NDC80: variants seen among roughly 807,000 people sequenced by gnomAD.
NDC80 encodes the protein NDC80 kinetochore complex component.
NDC80 carries 69 observed loss-of-function variants against 89.3 expected under a neutral mutation model. That is an observed-to-expected ratio of 0.77 (90% CI 0.64 to 0.94). NDC80 has a LOEUF of 0.94. Ranked by LOEUF, NDC80 falls within the 40% of genes least tolerant of loss-of-function variation. The probability of loss-of-function intolerance (pLI) is 0.00; values close to 1 mark genes in which losing one functional copy is unlikely to be tolerated. For missense variants in NDC80, 593 were observed against 739.6 expected (o/e 0.80, Z 2.30); for synonymous variants, 243 against 255.6 (o/e 0.95, Z 0.47).
At chr18:2,592,332 ATTTTATTTTGTTTTTG>A (rs1452265161) in intron 10 of NDC80, among the ~76,000 whole-genome samples, 2 of 150,926 alleles carry the variant, frequency 1.3e-5, no homozygotes, top group South Asian at 4.2e-4. Context: ...ACATATTTAA[ATTTTATTTTGTTTTTG>A]TTTTATTTTG....
chr18:2,599,162 T>C lies in NDC80; in HGVS notation c.1365T>C (p.Ala455=), dbSNP rs772716512. 6.2e-7 allele frequency: 1 copy of C among 1,607,510 alleles called. No homozygotes were observed. Among genetic ancestry groups the C allele is most frequent in the South Asian group, 1.1e-5 (1 of 89,562 alleles). ...AGANCLVKYR[A]QVYVPLKELL... ...CCAACTGCCTTGTCAAATACAGGGCTCAAGTTTATGTAAGTAATCATGACT... is the reference window on the plus strand; with the variant it reads ...CCAACTGCCTTGTCAAATACAGGGCCCAAGTTTATGTAAGTAATCATGACT... The change falls in exon 12 of 17, where the codon GCT becomes GCC. Residue 455 remains alanine, a synonymous_variant. Transcript: ENST00000261597.
chr18:2,595,580 T>C lies in NDC80; in HGVS notation c.1180T>C (p.Leu394=), dbSNP rs1438245774. The C allele has an allele frequency of 6.2e-7, 1 of 1,613,468 alleles. No individual in the cohort carries two copies. Among genetic ancestry groups the C allele is most frequent in the African/African-American group, 1.3e-5 (1 of 74,858 alleles). Residue 394 remains leucine, a synonymous_variant, in exon 11 of 17, where the codon TTG becomes CTG. Transcript: ENST00000261597. ...TKDLEAEQQK[L]WNEELKYARG... Reference sequence around the variant, plus strand: ...GGACCTGGAAGCTGAACAACAGAAGTTGTGGAATGAGGAGTTAAAATATGC... The same window carrying C: ...GGACCTGGAAGCTGAACAACAGAAGCTGTGGAATGAGGAGTTAAAATATGC...
At chr18:2,613,897 A>C (rs1124212) in intron 16 of NDC80, among the ~76,000 whole-genome samples, 36,746 of 152,130 alleles carry the variant, frequency 0.24, 4,710 homozygotes, top group Middle Eastern at 0.36. Flanking sequence ...AATGGACGAA[A>C]GATTTGAAGG....
At position 2,578,923 on chromosome 18, in the gene NDC80, A is replaced by G. The variant is rs2072562118; in HGVS notation, c.477-4A>G. ...TTAGCTTATGTTTTTCTGATTTCTCATAGGTATCCTTTTGCACTATCCAAA... is the reference window on the plus strand; with the variant it reads ...TTAGCTTATGTTTTTCTGATTTCTCGTAGGTATCCTTTTGCACTATCCAAA... On this transcript the variant is annotated splice_polypyrimidine_tract_variant and splice_region_variant and intron_variant, in intron 5 of 16. Coordinates refer to ENST00000261597, the MANE Select transcript of NDC80 (RefSeq NM_006101.3). The G allele has an allele frequency of 1.4e-6, 2 of 1,459,112 alleles. No homozygotes were observed. The highest frequency in any genetic ancestry group is 2.8e-5 in the South Asian group (2 of 70,710). 90.4% of individuals were successfully genotyped at this position (1,459,112 alleles called of 1,614,324 possible).
intron 14 of NDC80, among the ~76,000 whole-genome samples, chr18:2,606,927 A>G (rs548162097): frequency 2.6e-5 from 4 of 152,090 alleles, no homozygotes; most frequent in Non-Finnish European, 5.9e-5. Flanking sequence ...GTCAAATTCC[A>G]AAGACTGTTT....
intron 5 of NDC80, among the ~76,000 whole-genome samples, chr18:2,578,683 T>C (rs915880598): frequency 2.6e-5 from 4 of 152,030 alleles, no homozygotes; most frequent in African/African-American, 9.7e-5. Context: ...TTTGGGAGAG[T>C]AGTCCAGCAT....
chr18:2,578,856 C>T lies in NDC80; in HGVS notation c.477-71C>T, dbSNP rs142258098. 522 of 924,390 alleles carry T rather than the reference C, an allele frequency of 5.6e-4. 1 individual carries two copies. The Middle Eastern group carries it at 8.7e-3, about 15-fold the overall frequency. 57.3% of individuals were successfully genotyped at this position (924,390 alleles called of 1,614,324 possible). On this transcript the variant is annotated intron_variant, in intron 5 of 16. Coordinates refer to ENST00000261597, the MANE Select transcript of NDC80 (RefSeq NM_006101.3). ...ATGTGGAATTTTTTAAATGTAACTT[C>T]TTGATTAACCATTATCTTTACTAAA...
rs1046333773 is a variant in NDC80, at chr18:2,578,028, T to C, written c.363T>C (p.Ser121=). ...CCATGAAATCTCTACAAGCTCCCTC[T>C]GTTAAAGACTTCCTGAAGATCTTCA... ...NVSMKSLQAP[S]VKDFLKIFTF... Residue 121 remains serine (S), a synonymous_variant, in exon 5 of 17, where the codon TCT becomes TCC. Coordinates refer to ENST00000261597, the MANE Select transcript of NDC80 (RefSeq NM_006101.3). The C allele has an allele frequency of 5.6e-6, 9 of 1,614,138 alleles. No homozygotes were observed. The highest frequency in any genetic ancestry group is 7.6e-6 in the Non-Finnish European group (9 of 1,180,008).
chr18:2,616,215 G>A (rs1206845938), intron 16 of NDC80, among the ~76,000 whole-genome samples: 1 of 151,978 alleles, frequency 6.6e-6, no homozygotes, highest in Non-Finnish European at 1.5e-5. Context: ...AGTAGAGAGG[G>A]GGTTTTGCCA....
intron 2 of NDC80, 41 bp from the exon 3 acceptor site, chr18:2,574,948 T>C: frequency 7.6e-7 from 1 of 1,316,940 alleles, no homozygotes; most frequent in Non-Finnish European, 1.1e-6. Flanking sequence ...GAGCTAATTT[T>C]AATTTTTATT....
chr18:2,575,835 G>A (rs939585420), intron 3 of NDC80, among the ~76,000 whole-genome samples: 5 of 152,222 alleles, frequency 3.3e-5, no homozygotes, highest in Non-Finnish European at 5.9e-5. Flanking sequence ...TGAATCAGGA[G>A]GATCAGTTGA....
chr18:2,610,961 C>A, intron 16 of NDC80, 100 bp downstream of exon 16: 62 of 715,346 alleles, frequency 8.7e-5, no homozygotes, highest in East Asian at 3.9e-4. Context: ...AATTTTATTT[C>A]TATTTAAAGT....
In NDC80 at chr18:2,616,566, G is replaced by A. The variant is rs2072784715; in HGVS notation, c.1921G>A (p.Glu641Lys). 1 of 1,395,100 alleles carries A rather than the reference G, an allele frequency of 7.2e-7. No individual in the cohort carries two copies. The highest frequency in any genetic ancestry group is 9.7e-7 in the Non-Finnish European group (1 of 1,030,770). The allele number at this position is 1,395,100 out of a possible 1,614,324, so 86.4% of individuals were successfully genotyped here. A position where few individuals can be genotyped will look rare whatever the true frequency, so the allele number is the denominator to read the frequency against. The change falls in exon 17 of 17, where the codon GAA becomes AAA. Residue 641 changes from glutamate (E) to lysine (K), a missense_variant. Glu to Lys is a moderately conservative substitution (Grantham distance 56). Coordinates refer to ENST00000261597, the MANE Select transcript of NDC80 (RefSeq NM_006101.3). ...EKKATLIKSSEE is the reference protein window; with the variant it reads ...EKKATLIKSSKE ...GAAAGCTACTCTAATTAAGTCTTCT[G>A]AAGAATGAAGATAAAATGTTGATCA...
At chr18:2,577,938 A>G in intron 4 of NDC80, 31 bp from the exon 5 acceptor site, 1 of 1,609,370 alleles carries the variant, frequency 6.2e-7, no homozygotes, top group Non-Finnish European at 8.5e-7. Context: ...TCCATTACAA[A>G]ACGTTTGGTG....
intron 6 of NDC80, chr18:2,582,744 T>C (rs1370825151): frequency 4.6e-5 from 7 of 152,252 alleles, no homozygotes; most frequent in Admixed American, 4.6e-4. Flanking sequence ...ATTGATCTAA[T>C]ATGTTGATTT....
At chr18:2,587,058 A>G (rs1461299029) in intron 7 of NDC80, among the ~76,000 whole-genome samples, 2 of 152,208 alleles carry the variant, frequency 1.3e-5, no homozygotes, top group Non-Finnish European at 2.9e-5. Flanking sequence ...CATCAGTGAT[A>G]CACCTTTCCA....
At chr18:2,606,067 T>C (rs925026238) in intron 13 of NDC80, among the ~76,000 whole-genome samples, 2 of 151,440 alleles carry the variant, frequency 1.3e-5, no homozygotes, top group Admixed American at 1.3e-4. Flanking sequence ...GTAGTAGATA[T>C]AGTCTAAATA....
chr18:2,603,375 A>G lies in NDC80; in HGVS notation c.1464+1890A>G, dbSNP rs1486219539. Among the ~76,000 whole-genome samples, 109 of 144,640 alleles carry G rather than the reference A, an allele frequency of 7.5e-4. 2 individuals are homozygous for G. Among genetic ancestry groups the G allele is most frequent in the African/African-American group, 2.6e-3 (100 of 38,152 alleles). The allele number at this position is 144,640 out of a possible 152,430, so 94.9% of individuals were successfully genotyped here. A position where few individuals can be genotyped will look rare whatever the true frequency, so the allele number is the denominator to read the frequency against. The stretch of plus-strand genomic sequence containing the variant: ...TTTATACATATATATATATATATAT[A>G]TATACACCTATGTAATATATATAAG... On this transcript the variant is annotated intron_variant, in intron 13 of 16. Transcript: ENST00000261597.
At chr18:2,577,160 A>G (rs1444617256) in intron 3 of NDC80, 1 of 151,814 alleles carries the variant, frequency 6.6e-6, no homozygotes, top group East Asian at 1.9e-4. Context: ...TCTATATTAA[A>G]TCTTTCAATC....
Sources: gnomAD v4.1 joint callset for allele counts (sites outside exome capture counted in the v4.1 genomes callset) on GRCh38, gnomAD v4.1.1 for gene constraint, MANE v1.5 for transcripts, NCBI Gene and HGNC (gene_info 2026-07-23, HGNC 2026-07-21) for gene names.